CSNK1G1: variants seen among roughly 807,000 people sequenced by gnomAD.
CSNK1G1 encodes casein kinase I isoform gamma-1.
A neutral mutation model predicts 59.6 loss-of-function variants in CSNK1G1; 22 were observed. The ratio of observed to expected loss-of-function variants is 0.37; its 90% CI spans 0.26 to 0.53. CSNK1G1 has a LOEUF of 0.53. Ranked by LOEUF, CSNK1G1 falls within the 20% of genes least tolerant of loss-of-function variation. CSNK1G1 has a pLI of 0.89. For missense variants in CSNK1G1, 384 were observed against 519.5 expected, an observed-to-expected ratio of 0.74 and a Z score of 2.54; for synonymous variants, 179 against 177.1, an observed-to-expected ratio of 1.01 and a Z score of -0.08.
At chr15:64,349,062 G>A (rs12900008) in intron 1 of CSNK1G1, among the ~76,000 whole-genome samples, 119,028 of 150,578 alleles carry the variant, frequency 0.79, 48,301 homozygotes, top group East Asian at 0.95. Context: ...GCCTGAACCC[G>A]GAATGTGGAG....
chr15:64,282,584 C>T (rs1321022245), intron 2 of CSNK1G1, among the ~76,000 whole-genome samples: 4 of 152,148 alleles, frequency 2.6e-5, no homozygotes, highest in African/African-American at 9.7e-5. Flanking sequence ...GTTACTGGAT[C>T]TGTTCATTTA....
rs2082151547 is a variant in CSNK1G1 at position 64,204,485 on chromosome 15, C to T, written c.955G>A (p.Gly319Ser). 1.2e-6 allele frequency: 2 copies of T among 1,612,974 alleles called. No individual in the cohort carries two copies. The highest frequency in any genetic ancestry group is 2.2e-5 in the East Asian group (1 of 44,820). The change falls in exon 9 of 12, where the codon GGC becomes AGC. Residue 319 changes from glycine (G) to serine (S), a missense_variant. Coordinates refer to ENST00000303052, the MANE Select transcript of CSNK1G1 (RefSeq NM_022048.5). Reference sequence around the variant, plus strand: ...TCATAGGCATAGTCAAAGGTGTAGCCTTTCTTTTCAAAGAGGTCTGTGAAG... The same window carrying T: ...TCATAGGCATAGTCAAAGGTGTAGCTTTTCTTTTCAAAGAGGTCTGTGAAG... Reference protein sequence around the residue: ...TLFTDLFEKKGYTFDYAYDWV... With the variant: ...TLFTDLFEKKSYTFDYAYDWV...
At chr15:64,198,612 A>C (rs1567368355) in intron 10 of CSNK1G1, among the ~76,000 whole-genome samples, 1 of 152,098 alleles carries the variant, frequency 6.6e-6, no homozygotes, top group Non-Finnish European at 1.5e-5. Context: ...AATCTCGCTC[A>C]AGGAGAAACT....
At chr15:64,284,468 T>C (rs1282324993) in intron 2 of CSNK1G1, among the ~76,000 whole-genome samples, 1 of 152,172 alleles carries the variant, frequency 6.6e-6, no homozygotes, top group Non-Finnish European at 1.5e-5. Context: ...TCTTACCATG[T>C]AGTTAGATCT....
intron 10 of CSNK1G1, among the ~76,000 whole-genome samples, chr15:64,189,815 CTTT>C (rs970702567): frequency 2.0e-4 from 26 of 127,306 alleles, no homozygotes; most frequent in African/African-American, 1.5e-4. Flanking sequence ...CTACAATTTA[CTTT>C]TTTTTTTTTT....
At position 64,204,297 on chromosome 15, in the gene CSNK1G1, G is replaced by A. The variant is rs915357520; in HGVS notation, c.999+144C>T. The A allele has an allele frequency of 6.5e-6, 4 of 617,816 alleles. No homozygotes were observed. The African/African-American group carries it at 7.6e-5, about 12-fold the overall frequency. 38.3% of individuals were successfully genotyped at this position (617,816 alleles called of 1,614,324 possible). ...GCAACCTATGGCAACACCCAGACAA[G>A]GCTAGTAAATATACAGTCTACGATC... On this transcript the variant is annotated intron_variant, in intron 9 of 11. Coordinates refer to ENST00000303052, the MANE Select transcript of CSNK1G1 (RefSeq NM_022048.5).
chr15:64,180,608 C>T lies in CSNK1G1; in HGVS notation c.1108-154G>A, dbSNP rs111417847. The stretch of plus-strand genomic sequence containing the variant: ...GGAAGGTTCCCAGGCCCATATCATG[C>T]GAGAACACTAATATCAATGATGTAA... On this transcript the variant is annotated intron_variant, in intron 10 of 11. Coordinates refer to ENST00000303052, the MANE Select transcript of CSNK1G1 (RefSeq NM_022048.5). Among the ~76,000 whole-genome samples, 1,054 of 152,188 alleles carry T rather than the reference C, an allele frequency of 6.9e-3. 11 individuals carry two copies. The highest frequency in any genetic ancestry group is 0.017 in the African/African-American group (710 of 41,494).
At chr15:64,174,301 G>A (rs141475553) in intron 11 of CSNK1G1, among the ~76,000 whole-genome samples, 35 of 152,332 alleles carry the variant, frequency 2.3e-4, no homozygotes, top group African/African-American at 8.2e-4. Flanking sequence ...TGTGAGTTAT[G>A]GTTCAAAGGA....
chr15:64,351,487 G>C (rs1304267385), intron 1 of CSNK1G1, among the ~76,000 whole-genome samples: 1 of 152,176 alleles, frequency 6.6e-6, no homozygotes, highest in Non-Finnish European at 1.5e-5. Context: ...GAGAGGAAGT[G>C]GTGATTGAGA....
intron 3 of CSNK1G1, among the ~76,000 whole-genome samples, chr15:64,252,254 TTC>T (rs1437855741): frequency 1.3e-5 from 2 of 151,938 alleles, no homozygotes; most frequent in Non-Finnish European, 1.5e-5. Context: ...CGTGTATAAT[TTC>T]TTTTTTTTTT....
At chr15:64,179,305 C>T (rs138146376) in intron 11 of CSNK1G1, among the ~76,000 whole-genome samples, 1 of 152,036 alleles carries the variant, frequency 6.6e-6, no homozygotes, top group African/African-American at 2.4e-5. Flanking sequence ...GGAAAGACAA[C>T]AATACAAAGT....
intron 4 of CSNK1G1, among the ~76,000 whole-genome samples, chr15:64,229,900 A>C (rs1427478151): frequency 1.0e-4 from 5 of 47,620 alleles, no homozygotes; most frequent in Non-Finnish European, 2.4e-4. Flanking sequence ...GCATGTTTGT[A>C]AATTTTTTTT....
rs538469102 is a variant in CSNK1G1 at position 64,170,752 on chromosome 15, G to C, written c.*1179C>G. 6.5e-6 allele frequency: 1 copy of C among 152,728 alleles called. No individual in the cohort carries two copies. Among genetic ancestry groups the C allele is most frequent in the Middle Eastern group, 3.4e-3 (1 of 294 alleles). The allele number at this position is 152,728 out of a possible 1,614,324, so 9.5% of individuals were successfully genotyped here. ...GCTATCTAGTTGGAAGTCCCTGGCA[G>C]CATGGGAAACAATTTCAATTTTTTT... is the stretch of plus-strand genomic sequence containing the variant. On this transcript the variant is annotated 3_prime_UTR_variant, in exon 12 of 12. Transcript: ENST00000303052.
chr15:64,248,217 G>A (rs1041964804), intron 4 of CSNK1G1, among the ~76,000 whole-genome samples: 1 of 152,138 alleles, frequency 6.6e-6, no homozygotes, highest in African/African-American at 2.4e-5. Context: ...GAAAAAATAG[G>A]GGGAGGAATG....
At chr15:64,352,219 T>C (rs1478706314) in intron 1 of CSNK1G1, among the ~76,000 whole-genome samples, 1 of 151,678 alleles carries the variant, frequency 6.6e-6, no homozygotes, top group African/African-American at 2.4e-5. Context: ...GGCAGTAGAA[T>C]TGCTTGAACC....
chr15:64,282,262 AATTTTTT>A (rs1894183911), intron 2 of CSNK1G1, among the ~76,000 whole-genome samples: 1 of 151,678 alleles, frequency 6.6e-6, no homozygotes, highest in Non-Finnish European at 1.5e-5. Flanking sequence ...TGCCTGACCT[AATTTTTT>A]ATTTTTTATT....
chr15:64,180,359 C>CACT lies in CSNK1G1; in HGVS notation c.1200_1202dup (p.Val401dup). On this transcript the variant is annotated inframe_insertion, in exon 11 of 12. Transcript: ENST00000303052. ...AAAGATGTACGTACTTAGCTTCCTC[C>CACT]ACTACCTCCACCTCGGCATGAGCTG... 6.2e-7 allele frequency: 1 copy of CACT among 1,613,882 alleles called. No individual in the cohort carries two copies. Among genetic ancestry groups the CACT allele is most frequent in the East Asian group, 2.2e-5 (1 of 44,882 alleles).
intron 4 of CSNK1G1, among the ~76,000 whole-genome samples, chr15:64,229,018 CAAAAAAA>C (rs1218085247): frequency 1.8e-4 from 12 of 65,910 alleles, no homozygotes; most frequent in South Asian, 1.7e-3. Context: ...GACTCTGTCT[CAAAAAAA>C]AAAAAAAAAA....
chr15:64,340,452 T>C (rs1327949447), intron 1 of CSNK1G1, among the ~76,000 whole-genome samples: 1 of 152,238 alleles, frequency 6.6e-6, no homozygotes, highest in Non-Finnish European at 1.5e-5. Context: ...TGTAGGTTTA[T>C]GTATGTTGAA....
Sources: gnomAD v4.1 joint callset for allele counts (sites outside exome capture counted in the v4.1 genomes callset) on GRCh38, gnomAD v4.1.1 for gene constraint, MANE v1.5 for transcripts, NCBI Gene and HGNC (gene_info 2026-07-23, HGNC 2026-07-21) for gene names.